Variants in OGG1 observed in about 807,000 individuals in gnomAD.
The protein encoded by OGG1 is 8-oxoguanine DNA glycosylase.
Under a neutral mutation model 42.3 loss-of-function variants are expected in OGG1, and 35 were observed. The ratio of observed to expected loss-of-function variants is 0.83; its 90% CI spans 0.63 to 1.10. The LOEUF is 1.10. Among genes scored for constraint, OGG1 ranks in the 50% least tolerant of loss-of-function variants. The pLI is 0.00. For missense variants in OGG1, 484 were observed against 446.7 expected (o/e 1.08, Z -0.75); for synonymous variants, 189 against 179.0 (o/e 1.06, Z -0.44).
rs147261780 is a variant in OGG1 at position 9,779,141 on chromosome 3, A to C, written c.295-2372A>C. 5.8e-3 allele frequency among the ~76,000 whole-genome samples: 879 copies of C among 151,510 alleles called. 12 individuals are homozygous for C. The highest frequency in any genetic ancestry group is 4.5e-3 in the Admixed American group (69 of 15,224). ...AGACGTTGTCGGTGGTCTATCTAGC[A>C]CTCACTTCCCTGTTTCCTACTCAGA... On this transcript the variant is annotated intron_variant, in intron 2 of 3. Coordinates refer to the OGG1 transcript ENST00000426518.
intron 2 of OGG1, among the ~76,000 whole-genome samples, chr3:9,751,568 A>G (rs1044800459): frequency 1.3e-5 from 2 of 152,268 alleles, no homozygotes; most frequent in East Asian, 3.9e-4. Context: ...TGGCCTCTTT[A>G]TCTGTGGAAT....
chr3:9,761,679 C>T, downstream of OGG1: 2 of 1,614,152 alleles, frequency 1.2e-6, no homozygotes, highest in South Asian at 1.1e-5. Context: ...CTGCCCGGGT[C>T]CTCCATCTTG....
intron 7 of OGG1, among the ~76,000 whole-genome samples, chr3:9,764,291 T>C (rs1445501074): frequency 1.3e-5 from 2 of 152,150 alleles, no homozygotes; most frequent in Non-Finnish European, 2.9e-5. Flanking sequence ...ATAATGGTAA[T>C]TGATTTTTTT....
At chr3:9,777,780 C>T (rs1274494060) in intron 2 of OGG1, among the ~76,000 whole-genome samples, 1 of 152,216 alleles carries the variant, frequency 6.6e-6, no homozygotes, top group East Asian at 1.9e-4. Flanking sequence ...ACAAAACTGT[C>T]TCTGTTCTTG....
At position 9,751,886 on chromosome 3, in the gene OGG1, C is replaced by A; in HGVS notation, c.502C>A (p.Pro168Thr). Residue 168 changes from proline to threonine, a missense_variant, in exon 3 of 7, where the codon CCT (proline) becomes ACT (threonine). Pro to Thr is a conservative substitution (Grantham distance 38, BLOSUM62 -1). Coordinates refer to ENST00000344629, the MANE Select transcript of OGG1 (RefSeq NM_002542.6). ...MVERLCQAFG[P>T]RLIQLDDVTY... Reference sequence around the variant, plus strand: ...GGAGCGGCTGTGCCAGGCTTTTGGACCTCGGCTCATCCAGCTTGATGATGT... The same window carrying A: ...GGAGCGGCTGTGCCAGGCTTTTGGAACTCGGCTCATCCAGCTTGATGATGT... 6.2e-7 allele frequency: 1 copy of A among 1,614,208 alleles called. No homozygotes were observed. The highest frequency in any genetic ancestry group is 1.1e-5 in the South Asian group (1 of 91,082).
chr3:9,765,883 AG>A, exon 8 of OGG1: 1 of 1,613,918 alleles, frequency 6.2e-7, no homozygotes, highest in South Asian at 1.1e-5. Flanking sequence ...ACCTCCGAGA[AG>A]GCCCCCCTAT....
chr3:9,762,809 C>T (rs777808889), intron 7 of OGG1: 23 of 1,124,948 alleles, frequency 2.0e-5, no homozygotes, highest in Non-Finnish European at 2.9e-5. Flanking sequence ...GATGGAAATC[C>T]AAGGCTCAGT....
chr3:9,752,169 G>A, intron 3 of OGG1: 1 of 595,484 alleles, frequency 1.7e-6, no homozygotes, highest in East Asian at 2.8e-5. Context: ...TGGGTTCAAT[G>A]CCTAATCAGA....
chr3:9,756,293 C>T (rs2077553838), intron 4 of OGG1, among the ~76,000 whole-genome samples, 178 bp from the exon 5 acceptor site: 1 of 152,170 alleles, frequency 6.6e-6, no homozygotes, highest in East Asian at 1.9e-4. Context: ...CAGAGCGAGA[C>T]TCCATCTCAA....
intron 2 of OGG1, among the ~76,000 whole-genome samples, chr3:9,773,630 CT>C (rs35023365): frequency 0.028 from 4,030 of 143,048 alleles, 145 homozygotes; most frequent in African/African-American, 0.092. Context: ...ATCTTTTCTT[CT>C]TTTTTTTTTT....
rs1343854173 is a variant in OGG1, at chr3:9,751,174, G to C, written c.367G>C (p.Val123Leu). The C allele has an allele frequency of 9.9e-6, 16 of 1,614,094 alleles. No individual in the cohort carries two copies. Among genetic ancestry groups the C allele is most frequent in the Non-Finnish European group, 1.4e-5 (16 of 1,180,020 alleles). ...TTCCGTGGACTCCCACTTCCAAGAG[G>C]TGGCTCAGAAATTCCAAGGTGAGTA... The part of the protein sequence containing the change: ...WGSVDSHFQE[V>L]AQKFQGVRLL... Residue 123 changes from valine to leucine, a missense_variant, in exon 2 of 7, where the codon GTG (valine) becomes CTG (leucine). Transcript: ENST00000344629.
downstream of OGG1, chr3:9,759,796 C>T: frequency 1.2e-6 from 2 of 1,614,002 alleles, no homozygotes; most frequent in Middle Eastern, 1.6e-4. Context: ...CATGGTACTG[C>T]CTGTGTACTC....
At chr3:9,784,076 A>G (rs1575297251) in intron 3 of OGG1, 1 of 1,614,162 alleles carries the variant, frequency 6.2e-7, no homozygotes, top group Non-Finnish European at 8.5e-7. Context: ...AAGTGCCTTC[A>G]GCTCAGCCTG....
intron 4 of OGG1, 94 bp from the exon 5 acceptor site, chr3:9,756,377 G>A: frequency 3.2e-6 from 4 of 1,235,248 alleles, no homozygotes; most frequent in Admixed American, 1.7e-5. Flanking sequence ...TAACCCCAGA[G>A]TGAAGGAGAA....
intron 2 of OGG1, chr3:9,780,304 G>C: frequency 6.5e-7 from 1 of 1,535,464 alleles, no homozygotes. Context: ...AAGGAAGTGG[G>C]CCTCCCTTCC....
chr3:9,780,663 TCATA>T (rs1317322286), intron 2 of OGG1: 2 of 1,135,834 alleles, frequency 1.8e-6, no homozygotes, highest in East Asian at 2.6e-5. Context: ...GTGGATTGTG[TCATA>T]CAGTCGTGAC....
chr3:9,783,827 G>A, intron 3 of OGG1: 2 of 924,284 alleles, frequency 2.2e-6, no homozygotes, highest in East Asian at 2.9e-5. Flanking sequence ...AGTCACAGAT[G>A]CCTGAGCCCC....
chr3:9,772,238 A>C (rs2078310813), intron 2 of OGG1, among the ~76,000 whole-genome samples: 1 of 152,200 alleles, frequency 6.6e-6, no homozygotes, highest in Non-Finnish European at 1.5e-5. Context: ...ATTTCTATTG[A>C]ACAAGTGATA....
chr3:9,771,849 C>T (rs2125605104), intron 2 of OGG1, among the ~76,000 whole-genome samples: 1 of 137,728 alleles, frequency 7.3e-6, no homozygotes, highest in South Asian at 2.3e-4. Flanking sequence ...GACAGTCTCC[C>T]TCTGTTGCCC....
Sources: allele counts gnomAD v4.1 joint callset (sites outside exome capture counted in the v4.1 genomes callset), GRCh38; gene constraint gnomAD v4.1.1; transcripts MANE v1.5; gene names NCBI Gene and HGNC (gene_info 2026-07-23, HGNC 2026-07-21).